The following SMPDL3A variants were observed in gnomAD, a reference collection of about 807,000 sequenced individuals.
The protein encoded by SMPDL3A is cyclic GMP-AMP phosphodiesterase SMPDL3A.
A neutral mutation model predicts 38.5 loss-of-function variants in SMPDL3A; 39 were observed. The ratio of observed to expected loss-of-function variants is 1.01; its 90% CI spans 0.78 to 1.32. The LOEUF is 1.32. SMPDL3A is among the 40% of genes most tolerant of loss of function. SMPDL3A has a pLI of 0.00. For synonymous variants in SMPDL3A, 180 were observed against 194.3 expected, an observed-to-expected ratio of 0.93 and a Z score of 0.61; for missense variants, 502 against 536.2, an observed-to-expected ratio of 0.94 and a Z score of 0.63.
intron 4 of SMPDL3A, among the ~76,000 whole-genome samples, chr6:122,801,869 CTGGG>C (rs931140175): frequency 6.6e-6 from 1 of 152,168 alleles, no homozygotes; most frequent in African/African-American, 2.4e-5. Flanking sequence ...AAGGCCTTCC[CTGGG>C]TCATGTCTAA....
At position 122,805,060 on chromosome 6, in the gene SMPDL3A, ACAG is replaced by A; in HGVS notation, c.893_895del (p.Ser298del). ...CAATTTTATGGACACACTCACAGAGACAGCATTATGGTTCTTTCAGATAAAAAA... is the reference window on the plus strand; with the variant it reads ...CAATTTTATGGACACACTCACAGAGACATTATGGTTCTTTCAGATAAAAAA... On this transcript the variant is annotated inframe_deletion, in exon 6 of 8. Transcript: ENST00000368440. The A allele has an allele frequency of 6.2e-7, 1 of 1,608,522 alleles. No homozygotes were observed. The highest frequency in any genetic ancestry group is 8.5e-7 in the Non-Finnish European group (1 of 1,178,318).
At chr6:122,803,143 C>G (rs1042488780) in intron 4 of SMPDL3A, among the ~76,000 whole-genome samples, 4 of 44,990 alleles carry the variant, frequency 8.9e-5, no homozygotes, top group Admixed American at 4.3e-4. Context: ...CCTTGGGTGT[C>G]CCACCACCAG....
intron 4 of SMPDL3A, 117 bp from the exon 5 acceptor site, chr6:122,803,547 A>G: frequency 1.4e-6 from 1 of 718,676 alleles, no homozygotes; most frequent in Non-Finnish European, 2.3e-6. Context: ...TGCAAACTAA[A>G]CAATGAGAAA....
chr6:122,805,683 T>C (rs141984951), intron 6 of SMPDL3A, among the ~76,000 whole-genome samples: 1 of 152,272 alleles, frequency 6.6e-6, no homozygotes, highest in Admixed American at 6.5e-5. Flanking sequence ...GAGCGCACCC[T>C]GCGATCTCGG....
At chr6:122,805,327 T>C (rs184292490) in intron 6 of SMPDL3A, among the ~76,000 whole-genome samples, 67 of 152,332 alleles carry the variant, frequency 4.4e-4, no homozygotes, top group Non-Finnish European at 7.4e-4. Flanking sequence ...GCGTTACTTA[T>C]TTGCTGTCAA....
At chr6:122,802,121 G>A (rs116257409) in intron 4 of SMPDL3A, among the ~76,000 whole-genome samples, 3,033 of 151,122 alleles carry the variant, frequency 0.02, 101 homozygotes, top group African/African-American at 0.068. Context: ...GCAAATCATA[G>A]TATATATGAA....
Position 122,789,406 on chromosome 6 carries a change from C to T in SMPDL3A, c.60C>T (p.Gly20=), listed in dbSNP as rs755403988. 6.8e-5 allele frequency: 105 copies of T among 1,549,276 alleles called. 1 individual carries two copies. In the South Asian group the frequency reaches 1.2e-3, roughly 18 times the overall value. The change falls in exon 1 of 8, where the codon GGC becomes GGT. Residue 20 remains glycine (G), a synonymous_variant. Transcript: ENST00000368440. The part of the protein sequence containing the change: ...CLLTAWHCRS[G]LGLPVAPAGG... ...TGACTGCCTGGCACTGCCGCTCCGG[C>T]CTCGGGCTGCCCGTGGCGCCCGCAG...
At chr6:122,797,001 G>T (rs772250716) in intron 3 of SMPDL3A, 33 bp downstream of exon 3, 10 of 1,595,068 alleles carry the variant, frequency 6.3e-6, no homozygotes, top group Admixed American at 1.7e-5. Context: ...AATGCTTAAA[G>T]AATTTTTCCT....
intron 1 of SMPDL3A, among the ~76,000 whole-genome samples, chr6:122,794,979 A>G (rs939805483): frequency 4.6e-5 from 7 of 152,228 alleles, no homozygotes; most frequent in African/African-American, 1.7e-4. Flanking sequence ...AAGAATGTAA[A>G]TAATTTGTAA....
chr6:122,801,219 C>G (rs945007833), intron 3 of SMPDL3A, 91 bp from the exon 4 acceptor site: 9 of 837,184 alleles, frequency 1.1e-5, no homozygotes, highest in Middle Eastern at 2.3e-4. Context: ...CTCTAGATGC[C>G]TAACGTAGTA....
chr6:122,808,631 CTT>C (rs1491166303), intron 7 of SMPDL3A, among the ~76,000 whole-genome samples: 16 of 66,182 alleles, frequency 2.4e-4, no homozygotes, highest in South Asian at 2.0e-3. Flanking sequence ...TCCTTCCTTC[CTT>C]CCTTCCTTCC....
At chr6:122,806,444 T>A in intron 7 of SMPDL3A, 87 bp downstream of exon 7, 1 of 1,316,240 alleles carries the variant, frequency 7.6e-7, no homozygotes, top group Non-Finnish European at 1.1e-6. Flanking sequence ...CTCAGGACAG[T>A]CATGTGAGAT....
At chr6:122,802,569 C>T (rs148529308) in intron 4 of SMPDL3A, among the ~76,000 whole-genome samples, 2 of 152,186 alleles carry the variant, frequency 1.3e-5, no homozygotes, top group Non-Finnish European at 2.9e-5. Context: ...AAGGGAGAGC[C>T]ATAAAGAATG....
rs12524281 is a variant in SMPDL3A at position 122,807,431 on chromosome 6, A to G, written c.1044+1074A>G. Among the ~76,000 whole-genome samples, 810 of 152,258 alleles carry G rather than the reference A, an allele frequency of 5.3e-3. 16 individuals are homozygous for G. The East Asian group carries it at 0.056, about 11-fold the overall frequency. ...GGAGAATGGCGTGAACCTGGGAGGC[A>G]GAGCTTGCAGTGAGCCGAGATTGCG... On this transcript the variant is annotated intron_variant, in intron 7 of 7. Transcript: ENST00000368440.
rs916746186 is a variant in SMPDL3A at position 122,809,573 on chromosome 6, T to C, written c.*165T>C. On this transcript the variant is annotated 3_prime_UTR_variant, in exon 8 of 8. Coordinates refer to ENST00000368440, the MANE Select transcript of SMPDL3A (RefSeq NM_006714.5). ...TGCCTTAATGTAGATATCTTTATCA[T>C]TCTGAATTGTATTATATATTTAAAG... is the stretch of plus-strand genomic sequence containing the variant. The C allele has an allele frequency of 5.8e-5, 33 of 567,716 alleles. No homozygotes were observed. The highest frequency in any genetic ancestry group is 1.6e-5 in the Non-Finnish European group (5 of 321,290). The allele number at this position is 567,716 out of a possible 1,614,324, so 35.2% of individuals were successfully genotyped here.
At position 122,803,716 on chromosome 6, in the gene SMPDL3A, T is replaced by C. The variant is rs1781499126; in HGVS notation, c.621T>C (p.Ser207=). Reference sequence around the variant, plus strand: ...CTAATCCAAACCTTAGGATCATCAGTCTAAACACAAACTTGTACTACGGCC... The same window carrying C: ...CTAATCCAAACCTTAGGATCATCAGCCTAAACACAAACTTGTACTACGGCC... ...VTTNPNLRII[S]LNTNLYYGPN... Residue 207 remains serine, a synonymous_variant, in exon 5 of 8, where the codon AGT becomes AGC. Transcript: ENST00000368440. The C allele has an allele frequency of 6.2e-7, 1 of 1,613,900 alleles. No homozygotes were observed. The highest frequency in any genetic ancestry group is 1.7e-5 in the Admixed American group (1 of 59,992).
chr6:122,796,993 T>C, intron 3 of SMPDL3A, 25 bp downstream of exon 3: 1 of 1,603,600 alleles, frequency 6.2e-7, no homozygotes, highest in Non-Finnish European at 8.5e-7. Flanking sequence ...CTTTCAGAAA[T>C]GCTTAAAGAA....
At position 122,789,429 on chromosome 6, in the gene SMPDL3A, C is replaced by G; in HGVS notation, c.83C>G (p.Ala28Gly). 6.5e-7 allele frequency: 1 copy of G among 1,549,372 alleles called. No homozygotes were observed. Among genetic ancestry groups the G allele is most frequent in the African/African-American group, 1.4e-5 (1 of 73,110 alleles). Residue 28 changes from alanine (A) to glycine (G), a missense_variant, in exon 1 of 8, where the codon GCA (alanine) becomes GGA (glycine). Coordinates refer to ENST00000368440, the MANE Select transcript of SMPDL3A (RefSeq NM_006714.5). ...GGCCTCGGGCTGCCCGTGGCGCCCGCAGGCGGCAGGAATCCTCCTCCGGCG... is the reference window on the plus strand; with the variant it reads ...GGCCTCGGGCTGCCCGTGGCGCCCGGAGGCGGCAGGAATCCTCCTCCGGCG... ...RSGLGLPVAP[A>G]GGRNPPPAIG...
At position 122,804,917 on chromosome 6, in the gene SMPDL3A, C is replaced by A; in HGVS notation, c.747C>A (p.Ile249=). Reference sequence around the variant, plus strand: ...TGTGTTTCTTTTTCCAGGTGTATATCATAGCACATGTTCCAGTGGGGTATC... The same window carrying A: ...TGTGTTTCTTTTTCCAGGTGTATATAATAGCACATGTTCCAGTGGGGTATC... ...NSQQNKEKVY[I]IAHVPVGYLP... Residue 249 remains isoleucine (I), a synonymous_variant, in exon 6 of 8, where the codon ATC becomes ATA. Transcript: ENST00000368440. 1 of 1,610,206 alleles carries A rather than the reference C, an allele frequency of 6.2e-7. No individual in the cohort carries two copies. The highest frequency in any genetic ancestry group is 1.3e-5 in the African/African-American group (1 of 74,828).
Sources: gnomAD v4.1 joint callset for allele counts (sites outside exome capture counted in the v4.1 genomes callset) on GRCh38, gnomAD v4.1.1 for gene constraint, MANE v1.5 for transcripts, NCBI Gene and HGNC (gene_info 2026-07-23, HGNC 2026-07-21) for gene names.